BAZ1A: variants seen among roughly 807,000 people sequenced by gnomAD.
BAZ1A encodes bromodomain adjacent to zinc finger domain 1A.
BAZ1A carries 50 observed loss-of-function variants against 185.2 expected under a neutral mutation model. The observed-to-expected ratio is 0.27, with a 90% CI of 0.22 to 0.34. BAZ1A has a LOEUF of 0.34. Ranked by LOEUF, BAZ1A falls within the 10% of genes least tolerant of loss-of-function variation. The pLI is 1.00. For synonymous variants in BAZ1A, 571 were observed against 615.6 expected, an observed-to-expected ratio of 0.93 and a Z score of 1.07; for missense variants, 1,356 against 1,839.9, an observed-to-expected ratio of 0.74 and a Z score of 4.81.
At chr14:34,837,387 G>A (rs1392693157) in intron 3 of BAZ1A, among the ~76,000 whole-genome samples, 1 of 147,310 alleles carries the variant, frequency 6.8e-6, no homozygotes, top group African/African-American at 2.5e-5. Flanking sequence ...GACTACAGGC[G>A]AATACCACCA....
At chr14:34,807,639 C>A in intron 5 of BAZ1A, 101 bp from the exon 6 acceptor site, 1 of 751,918 alleles carries the variant, frequency 1.3e-6, no homozygotes, top group Non-Finnish European at 2.1e-6. Context: ...TTTCAGAAAG[C>A]CTAGGAATCA....
intron 3 of BAZ1A, among the ~76,000 whole-genome samples, chr14:34,832,016 G>C (rs905302309): frequency 6.6e-6 from 1 of 151,814 alleles, no homozygotes; most frequent in Admixed American, 6.6e-5. Context: ...GCAACATGGA[G>C]AAACCCTGCC....
At chr14:34,756,628 G>C (rs1886263496) in intron 25 of BAZ1A, among the ~76,000 whole-genome samples, 1 of 151,766 alleles carries the variant, frequency 6.6e-6, no homozygotes, top group African/African-American at 2.4e-5. Flanking sequence ...ACCATGCTCA[G>C]CTAATTTTTG....
intron 2 of BAZ1A, among the ~76,000 whole-genome samples, chr14:34,871,883 G>A (rs1204232129): frequency 6.6e-6 from 1 of 152,048 alleles, no homozygotes; most frequent in Non-Finnish European, 1.5e-5. Context: ...AAAAAGAGCA[G>A]CCTGCAGAGG....
At chr14:34,814,593 C>T (rs1234588047) in intron 4 of BAZ1A, among the ~76,000 whole-genome samples, 1 of 151,774 alleles carries the variant, frequency 6.6e-6, no homozygotes, top group Admixed American at 6.6e-5. Flanking sequence ...CTCAATCTCC[C>T]GGGTAGCTGG....
chr14:34,753,240 CATGA>C lies in BAZ1A; in HGVS notation c.*264_*267del, dbSNP rs1886093605. On this transcript the variant is annotated 3_prime_UTR_variant, in exon 27 of 27. Coordinates refer to ENST00000360310, the MANE Select transcript of BAZ1A (RefSeq NM_013448.3). ...AAATATTTTCCAAGATCTCTGGACACATGAATGATCTCAAAAATGTACAAAAACC... is the reference window on the plus strand; with the variant it reads ...AAATATTTTCCAAGATCTCTGGACACATGATCTCAAAAATGTACAAAAACC... 6 of 373,614 alleles carry C rather than the reference CATGA, an allele frequency of 1.6e-5. No homozygotes were observed. The highest frequency in any genetic ancestry group is 2.9e-5 in the Non-Finnish European group (6 of 206,708). 23.1% of individuals were successfully genotyped at this position (373,614 alleles called of 1,614,324 possible).
At chr14:34,821,066 TA>T (rs1377012083) in intron 4 of BAZ1A, among the ~76,000 whole-genome samples, 1 of 152,208 alleles carries the variant, frequency 6.6e-6, no homozygotes, top group Non-Finnish European at 1.5e-5. Context: ...ATAAACTTTA[TA>T]ATCAGTTTGC....
chr14:34,788,694 A>T (rs1415353178), intron 12 of BAZ1A, among the ~76,000 whole-genome samples: 1 of 152,186 alleles, frequency 6.6e-6, no homozygotes, highest in African/African-American at 2.4e-5. Flanking sequence ...TATAAAAGAG[A>T]TAAAAGATGC....
At chr14:34,869,602 G>A (rs2042920535) in intron 2 of BAZ1A, among the ~76,000 whole-genome samples, 1 of 152,164 alleles carries the variant, frequency 6.6e-6, no homozygotes. Flanking sequence ...TTTTCATTGT[G>A]TTTTGATGGA....
chr14:34,828,760 T>G (rs1438301752), intron 3 of BAZ1A: 3 of 152,192 alleles, frequency 2.0e-5, no homozygotes, highest in Non-Finnish European at 4.4e-5. Flanking sequence ...CCTGGAAAGT[T>G]TTTATCTATC....
chr14:34,801,150 C>G lies in BAZ1A; in HGVS notation c.905G>C (p.Ser302Thr). ...TTTATCTCTTTCTTTAGTAGCTTTG[C>G]TCCTATAACTTGCAAGAGTCTGTTT... ...ANKQTLASYR[S>T]KATKERDKLL... Residue 302 changes from serine (S) to threonine (T), a missense_variant, in exon 8 of 27, where the codon AGC becomes ACC. Ser to Thr is a moderately conservative substitution (Grantham distance 58). Transcript: ENST00000360310. The G allele has an allele frequency of 6.2e-7, 1 of 1,606,094 alleles. No homozygotes were observed. Among genetic ancestry groups the G allele is most frequent in the Non-Finnish European group, 8.5e-7 (1 of 1,177,724 alleles).
intron 3 of BAZ1A, among the ~76,000 whole-genome samples, chr14:34,843,032 T>C (rs1258092232): frequency 6.6e-6 from 1 of 151,802 alleles, no homozygotes; most frequent in Non-Finnish European, 1.5e-5. Context: ...CTCTCAAAAG[T>C]TTAGTAGTCT....
chr14:34,825,003 T>G (rs1001405141), intron 4 of BAZ1A, among the ~76,000 whole-genome samples: 4 of 152,146 alleles, frequency 2.6e-5, no homozygotes, highest in Non-Finnish European at 5.9e-5. Flanking sequence ...TCAGCTGAGA[T>G]TTTAAATTCC....
At chr14:34,863,849 A>T (rs976139538) in intron 2 of BAZ1A, among the ~76,000 whole-genome samples, 4 of 151,472 alleles carry the variant, frequency 2.6e-5, no homozygotes, top group South Asian at 2.1e-4. Flanking sequence ...TATTGTTTGA[A>T]TTTTTTTTCT....
intron 3 of BAZ1A, among the ~76,000 whole-genome samples, chr14:34,831,253 T>C (rs2042238376): frequency 6.6e-6 from 1 of 152,204 alleles, no homozygotes; most frequent in African/African-American, 2.4e-5. Context: ...AGAGCTGCCA[T>C]GTTCTCCCAA....
chr14:34,874,192 C>A lies in BAZ1A; in HGVS notation c.113+300G>T, dbSNP rs1031308685. ...GGGGCGAGGCGGGGAGTTTCCGCCGCCCCGCGGCCAAGAGGGCGGGAGGGC... is the reference window on the plus strand; with the variant it reads ...GGGGCGAGGCGGGGAGTTTCCGCCGACCCGCGGCCAAGAGGGCGGGAGGGC... On this transcript the variant is annotated intron_variant, in intron 2 of 26. Transcript: ENST00000360310. The surrounding 1 kb of genome is among the most constrained non-coding windows in gnomAD (Gnocchi z 4.7). Among the ~76,000 whole-genome samples, 1 of 151,968 alleles carries A rather than the reference C, an allele frequency of 6.6e-6. No individual in the cohort carries two copies. The highest frequency in any genetic ancestry group is 6.5e-5 in the Admixed American group (1 of 15,278).
intron 3 of BAZ1A, among the ~76,000 whole-genome samples, chr14:34,839,818 C>G (rs58587072): frequency 0.24 from 31,270 of 129,852 alleles, 3,652 homozygotes; most frequent in Non-Finnish European, 0.27. Flanking sequence ...CCAGCCTGGG[C>G]GACAAAGCGA....
At position 34,815,719 on chromosome 14, in the gene BAZ1A, A is replaced by G. The variant is rs79705812; in HGVS notation, c.537-4683T>C. Among the ~76,000 whole-genome samples, 455 of 152,328 alleles carry G rather than the reference A, an allele frequency of 3.0e-3. 2 individuals carry two copies. The highest frequency in any genetic ancestry group is 0.01 in the African/African-American group (431 of 41,560). On this transcript the variant is annotated intron_variant, in intron 4 of 26. Transcript: ENST00000360310. ...TTGACAATAAAGTTATAAAAAATTAAACAATTTTCTGTATCAGCACCACAG... is the reference window on the plus strand; with the variant it reads ...TTGACAATAAAGTTATAAAAAATTAGACAATTTTCTGTATCAGCACCACAG...
In BAZ1A at chr14:34,826,002, A is replaced by G. The variant is rs2042160579; in HGVS notation, c.536+11T>C. On this transcript the variant is annotated intron_variant, in intron 4 of 26. Coordinates refer to ENST00000360310, the MANE Select transcript of BAZ1A (RefSeq NM_013448.3). ...TGCCAAATAATTTAAAAATTAATAA[A>G]AATCACTTACCCATTTTGAAAAGAA... The G allele has an allele frequency of 6.6e-7, 1 of 1,518,488 alleles. No homozygotes were observed. The highest frequency in any genetic ancestry group is 8.8e-7 in the Non-Finnish European group (1 of 1,136,566). 94.1% of individuals were successfully genotyped at this position (1,518,488 alleles called of 1,614,324 possible).
Sources: allele counts gnomAD v4.1 joint callset (sites outside exome capture counted in the v4.1 genomes callset), GRCh38; gene constraint gnomAD v4.1.1; non-coding constraint Gnocchi (gnomAD v3.1); transcripts MANE v1.5; gene names NCBI Gene and HGNC (gene_info 2026-07-23, HGNC 2026-07-21).